The following TRHDE variants were observed in gnomAD, a reference collection of about 807,000 sequenced individuals.
TRHDE encodes the protein thyrotropin releasing hormone degrading enzyme.
Under a neutral mutation model 125.7 loss-of-function variants are expected in TRHDE, and 72 were observed. The observed-to-expected ratio is 0.57, with a 90% confidence interval of 0.47 to 0.70. The LOEUF (loss-of-function observed/expected upper bound fraction) is 0.70, where lower values mean the gene tolerates loss of function less well. Among genes scored for constraint, TRHDE ranks in the 30% least tolerant of loss-of-function variants. The pLI is 0.00. For missense variants in TRHDE, 1,110 were observed against 1,327.1 expected (o/e 0.84, Z 2.54); for synonymous variants, 509 against 509.1 (o/e 1.00, Z 0.00).
chr12:72,513,691 A>C (rs547216158), intron 6 of TRHDE, among the ~76,000 whole-genome samples: 116 of 150,288 alleles, frequency 7.7e-4, no homozygotes, highest in Non-Finnish European at 1.3e-3. Flanking sequence ...TACCTTGAAG[A>C]CACAGAGATT....
chr12:72,512,392 AATT>A (rs902507076), intron 6 of TRHDE, among the ~76,000 whole-genome samples: 33 of 141,286 alleles, frequency 2.3e-4, no homozygotes, highest in South Asian at 1.1e-3. Flanking sequence ...TATAATATAT[AATT>A]ATTATTATAT....
intron 2 of TRHDE, among the ~76,000 whole-genome samples, chr12:72,253,202 C>T (rs998283634): frequency 6.6e-6 from 1 of 152,030 alleles, no homozygotes; most frequent in African/African-American, 2.4e-5. Context: ...GTTTTCATCT[C>T]GATCTTATAT....
chr12:72,346,532 C>T (rs1305007348), intron 2 of TRHDE, among the ~76,000 whole-genome samples: 1 of 151,970 alleles, frequency 6.6e-6, no homozygotes, highest in African/African-American at 2.4e-5. Context: ...CAAGGGGGTG[C>T]CATTTCCCAA....
chr12:72,566,326 T>TTTAAG (rs1293020641), intron 9 of TRHDE, among the ~76,000 whole-genome samples: 1 of 151,846 alleles, frequency 6.6e-6, no homozygotes, highest in African/African-American at 2.4e-5. Context: ...AAATTTTTTT[T>TTTAAG]TTAAGTTTTA....
rs950234506 is a variant in TRHDE, at chr12:72,663,190, C to T, written c.3205C>T (p.His1069Tyr). Residue 1069 changes from histidine (H) to tyrosine (Y), a missense_variant, in exon 19 of 19, where the codon CAC becomes TAC. Physicochemically the swap from His to Tyr is moderately conservative, Grantham distance 83. Around this residue, in one of 5 missense-constraint regions of TRHDE, gnomAD observed 527 missense variants for 651.8 expected, o/e 0.81. Coordinates refer to ENST00000261180, the MANE Select transcript of TRHDE (RefSeq NM_013381.3). The part of the protein sequence containing the change: ...LFQWLGKALR[H>Y] ...CCAATGGTTAGGAAAAGCTCTAAGA[C>T]ACTAATATATGTATCTTATAAACAA... 2.5e-6 allele frequency: 4 copies of T among 1,608,274 alleles called. No homozygotes were observed. The highest frequency in any genetic ancestry group is 1.3e-5 in the African/African-American group (1 of 74,570).
chr12:72,150,062 G>A (rs903993871), intron 2 of TRHDE, among the ~76,000 whole-genome samples: 13 of 152,116 alleles, frequency 8.5e-5, no homozygotes, highest in Non-Finnish European at 1.8e-4. Flanking sequence ...CATTATTCTA[G>A]GTGCTGGTGA....
chr12:72,185,692 C>T (rs1018643799), intron 2 of TRHDE, among the ~76,000 whole-genome samples: 5 of 150,994 alleles, frequency 3.3e-5, no homozygotes, highest in Non-Finnish European at 5.9e-5. Flanking sequence ...CCAATCAGCA[C>T]ATTGTGAGTG....
chr12:72,412,563 C>T (rs1196497295), intron 3 of TRHDE, among the ~76,000 whole-genome samples: 1 of 151,952 alleles, frequency 6.6e-6, no homozygotes, highest in Non-Finnish European at 1.5e-5. Context: ...CCTAAGTGTA[C>T]TCTTGAGATA....
rs777269949 is a variant in TRHDE, at chr12:72,542,363, A to G, written c.1788+7A>G. On this transcript the variant is annotated splice_region_variant and intron_variant, in intron 7 of 18. Coordinates refer to ENST00000261180, the MANE Select transcript of TRHDE (RefSeq NM_013381.3). ...TTTCCAGAGGGGTTTGCAAGTAAGT[A>G]AAATGCTTTTTATTTTCTTTTACAT... is the stretch of plus-strand genomic sequence containing the variant. 1.3e-6 allele frequency: 2 copies of G among 1,598,058 alleles called. No individual in the cohort carries two copies. Among genetic ancestry groups the G allele is most frequent in the Admixed American group, 1.7e-5 (1 of 58,862 alleles).
chr12:72,203,814 C>T (rs552785882), intron 2 of TRHDE, among the ~76,000 whole-genome samples: 8 of 152,228 alleles, frequency 5.3e-5, no homozygotes, highest in South Asian at 2.1e-4. Context: ...GAGGATATCT[C>T]GGTTGCAAGT....
chr12:72,164,837 G>T (rs933352728), intron 2 of TRHDE, among the ~76,000 whole-genome samples: 1 of 152,150 alleles, frequency 6.6e-6, no homozygotes, highest in Non-Finnish European at 1.5e-5. Context: ...ATGAGCTAGG[G>T]GCACAGATGT....
intron 2 of TRHDE, among the ~76,000 whole-genome samples, chr12:72,332,146 C>CT (rs34965504): frequency 1.3e-4 from 20 of 149,572 alleles, no homozygotes; most frequent in South Asian, 6.4e-4. Context: ...CTCCCAAACT[C>CT]TTTTTTTTTT....
At chr12:72,335,458 A>G (rs1393591098) in intron 2 of TRHDE, among the ~76,000 whole-genome samples, 3 of 152,188 alleles carry the variant, frequency 2.0e-5, no homozygotes, top group African/African-American at 2.4e-5. Flanking sequence ...GACAGGAACC[A>G]AAACGAGACA....
intron 3 of TRHDE, among the ~76,000 whole-genome samples, chr12:72,452,656 G>A (rs1875635953): frequency 6.6e-6 from 1 of 152,070 alleles, no homozygotes; most frequent in South Asian, 2.1e-4. Context: ...TGTTGAAGAT[G>A]GGGCCTGATG....
chr12:72,421,613 G>C (rs889327046), intron 3 of TRHDE, among the ~76,000 whole-genome samples: 2 of 152,182 alleles, frequency 1.3e-5, no homozygotes, highest in Non-Finnish European at 2.9e-5. Context: ...CACATTCAAA[G>C]GGAAGGGAAT....
intron 5 of TRHDE, among the ~76,000 whole-genome samples, chr12:72,490,050 G>T (rs1166699034): frequency 6.6e-6 from 1 of 151,726 alleles, no homozygotes; most frequent in Non-Finnish European, 1.5e-5. Context: ...AAATAAAATG[G>T]CAGCCTATGG....
chr12:72,384,393 T>G (rs1592407314), intron 3 of TRHDE, among the ~76,000 whole-genome samples: 1 of 152,288 alleles, frequency 6.6e-6, no homozygotes, highest in South Asian at 2.1e-4. Flanking sequence ...GAATGCAATA[T>G]TTACAGAAAT....
intron 3 of TRHDE, among the ~76,000 whole-genome samples, chr12:72,440,023 GT>G (rs2135854118): frequency 6.6e-6 from 1 of 151,796 alleles, no homozygotes; most frequent in African/African-American, 2.4e-5. Flanking sequence ...TGATTATATG[GT>G]TTTTGTTCTT....
At chr12:72,439,595 A>T (rs966276577) in intron 3 of TRHDE, among the ~76,000 whole-genome samples, 1 of 151,280 alleles carries the variant, frequency 6.6e-6, no homozygotes, top group Non-Finnish European at 1.5e-5. Context: ...TTTTTTGTTT[A>T]TGTATATCTT....
Sources: allele counts gnomAD v4.1 joint callset (sites outside exome capture counted in the v4.1 genomes callset), GRCh38; gene constraint gnomAD v4.1.1; regional missense constraint gnomAD v4.1.1; transcripts MANE v1.5; gene names NCBI Gene and HGNC (gene_info 2026-07-23, HGNC 2026-07-21).